Variants in XKR5 observed in about 807,000 individuals in gnomAD.
XKR5 encodes the protein XK related 5, also known as XK-related protein 5.
Under a neutral mutation model 40.8 loss-of-function variants are expected in XKR5, and 46 were observed. The observed-to-expected ratio is 1.13, with a 90% CI of 0.89 to 1.44. XKR5 has a LOEUF of 1.44. XKR5 is among the 40% of genes most tolerant of loss of function. The pLI is 0.00. For synonymous variants in XKR5, 466 were observed against 356.1 expected, an observed-to-expected ratio of 1.31 and a Z score of -3.48; for missense variants, 1,169 against 844.7, an observed-to-expected ratio of 1.38 and a Z score of -4.76.
chr8:6,823,395 T>A lies in XKR5; in HGVS notation c.637+126A>T, dbSNP rs1403030062. The A allele has an allele frequency of 4.0e-6, 4 of 989,950 alleles. No individual in the cohort carries two copies. In the African/African-American group the frequency reaches 6.4e-5, roughly 16 times the overall value. 61.3% of individuals were successfully genotyped at this position (989,950 alleles called of 1,614,324 possible). On this transcript the variant is annotated intron_variant, in intron 4 of 6. Transcript: ENST00000618742. ...CTGAGGCCACCCAAGCAAGATCCAT[T>A]CAGCAGAGAGCCCAGTCAGCCTTCA... is the stretch of plus-strand genomic sequence containing the variant.
chr8:6,825,931 G>C (rs540762375), intron 2 of XKR5, among the ~76,000 whole-genome samples: 6 of 152,200 alleles, frequency 3.9e-5, no homozygotes, highest in Non-Finnish European at 5.9e-5. Flanking sequence ...TGCGGAGCTT[G>C]GAGGCTGATG....
chr8:6,831,348 G>A (rs1000654239), intron 2 of XKR5, among the ~76,000 whole-genome samples: 1 of 152,192 alleles, frequency 6.6e-6, no homozygotes, highest in African/African-American at 2.4e-5. Context: ...CGAGCTTTTG[G>A]CAAAATGCCT....
chr8:6,811,878 C>G lies in XKR5; in HGVS notation c.1381G>C (p.Asp461His), dbSNP rs566921331. The change falls in exon 7 of 7, where the codon GAC (aspartate) becomes CAC (histidine). Residue 461 changes from aspartate (D) to histidine (H), a missense_variant. Physicochemically the swap from Asp to His is moderately conservative, Grantham distance 81. Transcript: ENST00000618742. ...AQQELPSSSRDPSTLENSSAF... is the reference protein window; with the variant it reads ...AQQELPSSSRHPSTLENSSAF... The stretch of plus-strand genomic sequence containing the variant: ...GAGCTGTTCTCTAAGGTTGAGGGGT[C>G]ACGGGATGAGGATGGGAGCTCTTGC... 7 of 1,537,506 alleles carry G rather than the reference C, an allele frequency of 4.6e-6. No individual in the cohort carries two copies. In the South Asian group the frequency reaches 8.3e-5, roughly 18 times the overall value.
At chr8:6,831,572 G>T (rs767320435) in intron 2 of XKR5, among the ~76,000 whole-genome samples, 1 of 152,138 alleles carries the variant, frequency 6.6e-6, no homozygotes, top group Non-Finnish European at 1.5e-5. Flanking sequence ...AGAAAGTCTT[G>T]GGAATAGCTT....
chr8:6,829,902 A>G (rs1253972812), intron 2 of XKR5, among the ~76,000 whole-genome samples: 1 of 128,736 alleles, frequency 7.8e-6, no homozygotes, highest in Non-Finnish European at 1.5e-5. Context: ...CAGTGATGCA[A>G]TCTCGGCTCA....
At chr8:6,815,663 C>T (rs563998213) in intron 6 of XKR5, 144 bp downstream of exon 6, 165 of 610,110 alleles carry the variant, frequency 2.7e-4, no homozygotes, top group Non-Finnish European at 3.8e-4. Flanking sequence ...GGGCATGGCT[C>T]TGCCCCCCAC....
chr8:6,830,501 T>C (rs901845088), intron 2 of XKR5, among the ~76,000 whole-genome samples: 1 of 152,220 alleles, frequency 6.6e-6, no homozygotes, highest in Admixed American at 6.5e-5. Context: ...TTGCGGCCTT[T>C]ATGCTTGCAC....
intron 6 of XKR5, 53 bp downstream of exon 6, chr8:6,815,754 A>T (rs1803924992): frequency 7.3e-7 from 1 of 1,366,954 alleles, no homozygotes. Flanking sequence ...ATTGTAAAAA[A>T]AAAAAATACG....
intron 6 of XKR5, among the ~76,000 whole-genome samples, chr8:6,815,149 G>T (rs1338159133): frequency 2.0e-5 from 3 of 152,230 alleles, no homozygotes; most frequent in Non-Finnish European, 4.4e-5. Context: ...AGCCTGCTGT[G>T]CTGGGAGAGG....
chr8:6,817,484 C>T (rs1426268942), intron 5 of XKR5, among the ~76,000 whole-genome samples: 2 of 152,118 alleles, frequency 1.3e-5, no homozygotes, highest in Admixed American at 6.5e-5. Flanking sequence ...AGACTCAGCA[C>T]ATATGATTCC....
At chr8:6,819,164 G>A (rs1804102898) in intron 5 of XKR5, among the ~76,000 whole-genome samples, 1 of 152,254 alleles carries the variant, frequency 6.6e-6, no homozygotes, top group Non-Finnish European at 1.5e-5. Flanking sequence ...TTGGCCCTGG[G>A]CTACGCTGCC....
chr8:6,823,855 G>T, intron 3 of XKR5, 125 bp from the exon 4 acceptor site: 2 of 826,214 alleles, frequency 2.4e-6, no homozygotes, highest in Non-Finnish European at 3.9e-6. Context: ...TGGCTGCACA[G>T]AGAGTATTAC....
At chr8:6,817,272 T>C (rs1176163573) in intron 5 of XKR5, among the ~76,000 whole-genome samples, 1 of 152,098 alleles carries the variant, frequency 6.6e-6, no homozygotes, top group Non-Finnish European at 1.5e-5. Context: ...CACCTTAACT[T>C]CAGGATCCAG....
At chr8:6,822,183 G>C in intron 4 of XKR5, 145 bp from the exon 5 acceptor site, 2 of 762,160 alleles carry the variant, frequency 2.6e-6, no homozygotes, top group Non-Finnish European at 2.0e-6. Flanking sequence ...GAAGAGATTT[G>C]AGGGGGACAG....
At chr8:6,816,586 C>G (rs921144057) in intron 5 of XKR5, among the ~76,000 whole-genome samples, 1 of 151,166 alleles carries the variant, frequency 6.6e-6, no homozygotes, top group African/African-American at 2.4e-5. Context: ...AATAAGTAAA[C>G]AAATGACATA....
In XKR5 at chr8:6,811,313, G is replaced by C. The variant is rs561451957; in HGVS notation, c.1946C>G (p.Pro649Arg). ...GGGCTCATGGGCAGTCCTCAGCTGTGGCAATGACACCCACACACCAACAGC... is the reference window on the plus strand; with the variant it reads ...GGGCTCATGGGCAGTCCTCAGCTGTCGCAATGACACCCACACACCAACAGC... The part of the protein sequence containing the change: ...HAAVGVWVSL[P>R]QLRTAHEPCL... Residue 649 changes from proline (P) to arginine (R), a missense_variant, in exon 7 of 7, where the codon CCA becomes CGA. Coordinates refer to ENST00000618742, the MANE Select transcript of XKR5 (RefSeq NM_207411.5). The C allele has an allele frequency of 2.1e-4, 317 of 1,537,320 alleles. No individual in the cohort carries two copies. The African/African-American group carries it at 3.7e-3, about 18-fold the overall frequency.
chr8:6,823,786 C>G, intron 3 of XKR5, 56 bp from the exon 4 acceptor site: 1 of 1,414,258 alleles, frequency 7.1e-7, no homozygotes, highest in Non-Finnish European at 9.7e-7. Context: ...GTAACAGTAC[C>G]TTGTGAAGAT....
chr8:6,821,071 C>T (rs1343890060), intron 5 of XKR5, among the ~76,000 whole-genome samples: 4 of 152,172 alleles, frequency 2.6e-5, no homozygotes, highest in African/African-American at 9.7e-5. Context: ...TGACTTATTC[C>T]TAGCGTGTGC....
intron 1 of XKR5, among the ~76,000 whole-genome samples, chr8:6,833,340 G>A (rs1475356872): frequency 6.6e-6 from 1 of 152,216 alleles, no homozygotes; most frequent in Non-Finnish European, 1.5e-5. Flanking sequence ...GACCACCCTG[G>A]TGACATTCCC....
Sources: allele counts gnomAD v4.1 joint callset (sites outside exome capture counted in the v4.1 genomes callset), GRCh38; gene constraint gnomAD v4.1.1; transcripts MANE v1.5; gene names NCBI Gene and HGNC (gene_info 2026-07-23, HGNC 2026-07-21).